The following ARHGEF1 variants were observed in gnomAD, a reference collection of about 807,000 sequenced individuals.
ARHGEF1 encodes the protein 115 kDa guanine nucleotide exchange factor.
In ARHGEF1, 40 loss-of-function variants were observed where a neutral mutation model predicts 119.7. The ratio of observed to expected loss-of-function variants is 0.33; its 90% CI spans 0.26 to 0.44. ARHGEF1 has a LOEUF of 0.44. ARHGEF1 is among the 20% of genes least tolerant of loss of function. ARHGEF1 has a pLI of 1.00. For missense variants in ARHGEF1, 976 were observed against 1,268.3 expected (o/e 0.77, Z 3.50); for synonymous variants, 494 against 521.0 (o/e 0.95, Z 0.71).
rs1555846577 is a variant in ARHGEF1, at chr19:41,892,845, A to T, written c.610A>T (p.Met204Leu). Residue 204 changes from methionine (M) to leucine (L), a missense_variant, in exon 7 of 29, where the codon ATG (methionine) becomes TTG (leucine). Physicochemically the swap from Met to Leu is conservative, Grantham distance 15 (BLOSUM62 2). Transcript: ENST00000354532. The surrounding 1 kb of genome is among the most constrained non-coding windows in gnomAD (Gnocchi z 6.3). Reference protein sequence around the residue: ...AERLLMHLEEMQHTISTDEEK... With the variant: ...AERLLMHLEELQHTISTDEEK... ...GCGGCTGCTCATGCACCTGGAGGAG[A>T]TGCAGTGAGTAGGCCAGCCCTGGTG... 6.5e-7 allele frequency: 1 copy of T among 1,543,270 alleles called. No individual in the cohort carries two copies. Among genetic ancestry groups the T allele is most frequent in the Admixed American group, 1.8e-5 (1 of 54,110 alleles).
At chr19:41,895,593 C>A in intron 12 of ARHGEF1, 107 bp downstream of exon 12, 1 of 1,233,294 alleles carries the variant, frequency 8.1e-7, no homozygotes, top group Non-Finnish European at 1.1e-6. Context: ...AGCAACACCT[C>A]CCCTTTGCTC....
chr19:41,925,963 T>C (rs2074868492), intron 1 of ARHGEF1, among the ~76,000 whole-genome samples: 1 of 151,904 alleles, frequency 6.6e-6, no homozygotes, highest in Non-Finnish European at 1.5e-5. Flanking sequence ...AGTGCTTGTG[T>C]GCAACAGAAG....
chr19:41,892,542 TG>T lies in ARHGEF1; in HGVS notation c.368-57del. ...GTGGCTGTTGGAGTCCAAGGGTGGG[TG>T]GGGACCGTGGTCCAAGCCACCAGGG... is the stretch of plus-strand genomic sequence containing the variant. On this transcript the variant is annotated intron_variant, in intron 6 of 28. Coordinates refer to ENST00000354532, the MANE Select transcript of ARHGEF1 (RefSeq NM_004706.4). This position sits in a 1 kb window ranked among gnomAD's most constrained non-coding sequence, Gnocchi z 6.3. The T allele has an allele frequency of 6.4e-7, 1 of 1,566,310 alleles. No individual in the cohort carries two copies. Among genetic ancestry groups the T allele is most frequent in the Non-Finnish European group, 8.7e-7 (1 of 1,152,306 alleles).
chr19:41,927,160 A>G (rs1354670397), intron 1 of ARHGEF1, among the ~76,000 whole-genome samples: 1 of 152,152 alleles, frequency 6.6e-6, no homozygotes, highest in African/African-American at 2.4e-5. Context: ...GCTGTGAGAG[A>G]CAGAGACAGA....
chr19:41,887,922 A>G (rs1555845487), intron 1 of ARHGEF1, 142 bp from the exon 2 acceptor site: 3 of 961,258 alleles, frequency 3.1e-6, no homozygotes, highest in Non-Finnish European at 4.5e-6. Context: ...CTTTGTGGCC[A>G]CACAGAGGCC....
At position 41,906,442 on chromosome 19, in the gene ARHGEF1, C is replaced by T. The variant is rs2074697359; in HGVS notation, c.2492-15C>T. The T allele has an allele frequency of 6.5e-7, 1 of 1,542,562 alleles. No individual in the cohort carries two copies. Among genetic ancestry groups the T allele is most frequent in the African/African-American group, 1.4e-5 (1 of 71,662 alleles). On this transcript the variant is annotated splice_polypyrimidine_tract_variant and intron_variant, in intron 26 of 28. Transcript: ENST00000354532. The surrounding 1 kb of genome is among the most constrained non-coding windows in gnomAD (Gnocchi z 4.5). ...CCCTGGTCTCCTGACTCCACCCCTC[C>T]TTGCCCCTGGCCAGTGCTGTCCCTG...
rs1300831921 is a variant in ARHGEF1 at position 41,898,210 on chromosome 19, C to T, written c.1122-232C>T. 7.4e-5 allele frequency: 103 copies of T among 1,394,478 alleles called. 1 individual carries two copies. In the Admixed American group the frequency reaches 2.3e-3, roughly 30 times the overall value. The allele number at this position is 1,394,478 out of a possible 1,614,324, so 86.4% of individuals were successfully genotyped here. On this transcript the variant is annotated intron_variant, in intron 13 of 28. Coordinates refer to ENST00000354532, the MANE Select transcript of ARHGEF1 (RefSeq NM_004706.4). ...TCACAGAGGAATGGGCGTTGGAGAC[C>T]GAGGTCATTGAGGCCAACTGTGGTC...
chr19:41,892,302 CTCT>C lies in ARHGEF1; in HGVS notation c.325-26_325-24del. The C allele has an allele frequency of 6.2e-7, 1 of 1,613,386 alleles. No homozygotes were observed. Reference sequence around the variant, plus strand: ...CTGCATCTCAGCACACCAAGTCCTCCTCTTCACCCCATTCTCTCTCTTGAGCAG... The same window carrying C: ...CTGCATCTCAGCACACCAAGTCCTCCTCACCCCATTCTCTCTCTTGAGCAG... On this transcript the variant is annotated intron_variant, in intron 5 of 28. Coordinates refer to ENST00000354532, the MANE Select transcript of ARHGEF1 (RefSeq NM_004706.4). This position sits in a 1 kb window ranked among gnomAD's most constrained non-coding sequence, Gnocchi z 6.3.
rs2074399361 is a variant in ARHGEF1, at chr19:41,892,856, A to G, written c.614+7A>G. 1 of 1,518,104 alleles carries G rather than the reference A, an allele frequency of 6.6e-7. No homozygotes were observed. Among genetic ancestry groups the G allele is most frequent in the South Asian group, 1.2e-5 (1 of 81,568 alleles). 94.0% of individuals were successfully genotyped at this position (1,518,104 alleles called of 1,614,324 possible). A position where few individuals can be genotyped will look rare whatever the true frequency, so the allele number is the denominator to read the frequency against. ...TGCACCTGGAGGAGATGCAGTGAGT[A>G]GGCCAGCCCTGGTGGGAGCGTCGCC... is the stretch of plus-strand genomic sequence containing the variant. On this transcript the variant is annotated splice_region_variant and intron_variant, in intron 7 of 28. Transcript: ENST00000354532. The surrounding 1 kb of genome is among the most constrained non-coding windows in gnomAD (Gnocchi z 6.3).
rs1555847381 is a variant in ARHGEF1, at chr19:41,895,439, G to C, written c.968G>C (p.Gly323Ala). 1.9e-6 allele frequency: 3 copies of C among 1,612,412 alleles called. No individual in the cohort carries two copies. The highest frequency in any genetic ancestry group is 2.5e-6 in the Non-Finnish European group (3 of 1,179,582). ...GGGGCTCCTGGGCAGGACACCCCTGGAGTCTCTCTGCACCCTCTGTCCCTG... is the reference window on the plus strand; with the variant it reads ...GGGGCTCCTGGGCAGGACACCCCTGCAGTCTCTCTGCACCCTCTGTCCCTG... ...NIGAPGQDTPGVSLHPLSLDS... is the reference protein window; with the variant it reads ...NIGAPGQDTPAVSLHPLSLDS... The change falls in exon 12 of 29, where the codon GGA (glycine) becomes GCA (alanine). Residue 323 changes from glycine to alanine, a missense_variant. Physicochemically the swap from Gly to Ala is moderately conservative, Grantham distance 60. Transcript: ENST00000354532.
chr19:41,888,099 G>T lies in ARHGEF1; in HGVS notation c.17G>T (p.Arg6Leu). The T allele has an allele frequency of 6.2e-7, 1 of 1,613,740 alleles. No homozygotes were observed. The highest frequency in any genetic ancestry group is 8.5e-7 in the Non-Finnish European group (1 of 1,179,972). Reference protein sequence around the residue: MEDFARGAASPGPSRP... With the variant: MEDFALGAASPGPSRP... ...CCCAGGGAGATGGAAGACTTCGCCC[G>T]AGGGGCGGTGAGTGGACAGAGCAAG... is the stretch of plus-strand genomic sequence containing the variant. The change falls in exon 2 of 29, where the codon CGA becomes CTA. Residue 6 changes from arginine to leucine, a missense_variant. Arg to Leu is a moderately radical substitution (Grantham distance 102). Transcript: ENST00000354532. The surrounding 1 kb of genome is among the most constrained non-coding windows in gnomAD (Gnocchi z 5.1).
At chr19:41,893,100 G>A (rs2074404181) in intron 7 of ARHGEF1, 174 bp from the exon 8 acceptor site, 1 of 1,032,144 alleles carries the variant, frequency 9.7e-7, no homozygotes, top group East Asian at 2.7e-5. Flanking sequence ...CATCCTCCTG[G>A]ATGAGAGACC....
chr19:41,892,077 A>G lies in ARHGEF1; in HGVS notation c.278A>G (p.Lys93Arg), dbSNP rs782168601. Residue 93 changes from lysine (K) to arginine (R), a missense_variant, in exon 5 of 29, where the codon AAG (lysine) becomes AGG (arginine). Transcript: ENST00000354532. This position sits in a 1 kb window ranked among gnomAD's most constrained non-coding sequence, Gnocchi z 6.3. ...MLGSLGPKEA[K>R]KAFLDFYHSF... is the part of the protein sequence containing the mutation. ...GGCTCACTGGGCCCCAAGGAGGCCA[A>G]GAAGGCCTTCCTGGACTTCTACCAC... 6.2e-7 allele frequency: 1 copy of G among 1,613,442 alleles called. No individual in the cohort carries two copies. The highest frequency in any genetic ancestry group is 1.1e-5 in the South Asian group (1 of 91,020).
chr19:41,912,294 A>G (rs1389113299), downstream of ARHGEF1, among the ~76,000 whole-genome samples: 1 of 152,184 alleles, frequency 6.6e-6, no homozygotes, highest in Non-Finnish European at 1.5e-5. Flanking sequence ...AACCAAGGAC[A>G]GAGTCTCTGT....
Position 41,894,432 on chromosome 19 carries a change from C to T in ARHGEF1, c.745-19C>T. On this transcript the variant is annotated intron_variant, in intron 9 of 28. Transcript: ENST00000354532. ...TCTCAGAGATGCTTAGCCTGGTCTT[C>T]CTCCCCGCCCTCTCACAGGTGATGG... 6.5e-7 allele frequency: 1 copy of T among 1,539,044 alleles called. No homozygotes were observed. The highest frequency in any genetic ancestry group is 8.8e-7 in the Non-Finnish European group (1 of 1,141,516).
chr19:41,909,593 AGGC>A, downstream of ARHGEF1: 2 of 867,960 alleles, frequency 2.3e-6, no homozygotes, highest in Non-Finnish European at 3.2e-6. The surrounding 1 kb of genome is among the most constrained non-coding windows in gnomAD (Gnocchi z 5.2). Flanking sequence ...GGGGAAACTG[AGGC>A]TCACAGAAGT....
chr19:41,924,783 C>T (rs1408500370), intron 1 of ARHGEF1, among the ~76,000 whole-genome samples: 2 of 152,012 alleles, frequency 1.3e-5, no homozygotes, highest in African/African-American at 2.4e-5. Context: ...GGAAGGCGCT[C>T]CTCGAGGAGA....
chr19:41,883,256 G>T lies in ARHGEF1; in HGVS notation c.-53G>T. The T allele has an allele frequency of 5.0e-6, 1 of 200,688 alleles. No homozygotes were observed. Among genetic ancestry groups the T allele is most frequent in the Admixed American group, 5.4e-5 (1 of 18,664 alleles). 12.4% of individuals were successfully genotyped at this position (200,688 alleles called of 1,614,324 possible). On this transcript the variant is annotated 5_prime_UTR_variant, in exon 1 of 29. Transcript: ENST00000354532. This position sits in a 1 kb window ranked among gnomAD's most constrained non-coding sequence, Gnocchi z 7.6. ...CCCGGGATCGCCGAGCCCGACCTCG[G>T]GCGCCCCGCCGGTCACCTCCGCGCG...
Position 41,902,739 on chromosome 19 carries a change from G to A in ARHGEF1, c.1624-45G>A. The stretch of plus-strand genomic sequence containing the variant: ...CTCCTAGGTGCCTGCGCCCTGGGGT[G>A]AGCCCAAAGCCTGGGCCATCGCAAC... On this transcript the variant is annotated intron_variant, in intron 17 of 28. Transcript: ENST00000354532. The surrounding 1 kb of genome is among the most constrained non-coding windows in gnomAD (Gnocchi z 6.5). The A allele has an allele frequency of 5.6e-6, 9 of 1,613,222 alleles. No individual in the cohort carries two copies. Among genetic ancestry groups the A allele is most frequent in the East Asian group, 2.2e-5 (1 of 44,892 alleles).
Sources: gnomAD v4.1 joint callset for allele counts (sites outside exome capture counted in the v4.1 genomes callset) on GRCh38, gnomAD v4.1.1 for gene constraint, Gnocchi (gnomAD v3.1) non-coding constraint, MANE v1.5 for transcripts, NCBI Gene and HGNC (gene_info 2026-07-23, HGNC 2026-07-21) for gene names.